The following TXNDC8 variants were observed in gnomAD, a reference collection of about 807,000 sequenced individuals.
The protein encoded by TXNDC8 is thioredoxin domain-containing protein 8.
Under a neutral mutation model 12.9 loss-of-function variants are expected in TXNDC8, and 15 were observed. The observed-to-expected ratio is 1.16, with a 90% CI of 0.78 to 1.79. The LOEUF (loss-of-function observed/expected upper bound fraction) is 1.79. TXNDC8 is among the 40% of genes most tolerant of loss of function. TXNDC8 has a pLI of 0.00. For missense variants in TXNDC8, 128 were observed against 113.2 expected (o/e 1.13, Z -0.59); for synonymous variants, 40 against 35.4 (o/e 1.13, Z -0.46).
intron 3 of TXNDC8, among the ~76,000 whole-genome samples, chr9:110,306,505 A>G (rs1466809293): frequency 6.6e-6 from 1 of 152,106 alleles, no homozygotes; most frequent in Admixed American, 6.5e-5. Flanking sequence ...GCTTCTTCCA[A>G]GGTCTCCGTA....
At chr9:110,305,480 G>A (rs1222378181) in intron 3 of TXNDC8, among the ~76,000 whole-genome samples, 1 of 152,158 alleles carries the variant, frequency 6.6e-6, no homozygotes, top group East Asian at 1.9e-4. Flanking sequence ...CTAGAAGTGG[G>A]ATTGTGGGTT....
chr9:110,323,087 G>A (rs1564102797), intron 3 of TXNDC8: 3 of 985,382 alleles, frequency 3.0e-6, no homozygotes, highest in Non-Finnish European at 3.6e-6. Flanking sequence ...GACATCACAT[G>A]TTAAAAAAGG....
At position 110,305,841 on chromosome 9, in the gene TXNDC8, CTTTTCTTTTCTTTCT is replaced by C. The variant is rs1247096533; in HGVS notation, c.196-1324_196-1310del. ...CCTTTCCTTTCCTTTCTTTTCCTTT[CTTTTCTTTTCTTTCT>C]TTTTCTTTTCTTTTCTTTTCTTTTT... On this transcript the variant is annotated intron_variant, in intron 3 of 4. Transcript: ENST00000423740. Among the ~76,000 whole-genome samples, 46 of 113,902 alleles carry C rather than the reference CTTTTCTTTTCTTTCT, an allele frequency of 4.0e-4. No individual in the cohort carries two copies. The South Asian group carries it at 0.011, about 26-fold the overall frequency. 74.7% of individuals were successfully genotyped at this position (113,902 alleles called of 152,430 possible). A position where few individuals can be genotyped will look rare whatever the true frequency, so the allele number is the denominator to read the frequency against.
chr9:110,321,812 G>T (rs1564102032), intron 3 of TXNDC8, among the ~76,000 whole-genome samples: 1 of 151,904 alleles, frequency 6.6e-6, no homozygotes, highest in Non-Finnish European at 1.5e-5. Context: ...GACTTTCCTT[G>T]CAGGTCACTG....
At chr9:110,336,200 G>A (rs1208043057) in intron 1 of TXNDC8, among the ~76,000 whole-genome samples, 4 of 152,052 alleles carry the variant, frequency 2.6e-5, no homozygotes, top group South Asian at 2.1e-4. Context: ...CCAAGTATTG[G>A]GCATTTCTTC....
At chr9:110,320,818 T>C (rs1427139695) in intron 3 of TXNDC8, among the ~76,000 whole-genome samples, 5 of 152,242 alleles carry the variant, frequency 3.3e-5, no homozygotes, top group Non-Finnish European at 7.3e-5. Flanking sequence ...GGAATGATCT[T>C]ATTCACCACA....
chr9:110,311,179 A>G (rs11523744), intron 3 of TXNDC8, among the ~76,000 whole-genome samples: 17,706 of 152,140 alleles, frequency 0.12, 1,127 homozygotes, highest in African/African-American at 0.17. Context: ...TGCAATGGTC[A>G]TTCCATAACT....
chr9:110,301,389 G>A (rs1009357402), downstream of TXNDC8, among the ~76,000 whole-genome samples: 3 of 152,166 alleles, frequency 2.0e-5, no homozygotes, highest in African/African-American at 7.2e-5. Flanking sequence ...TGTGAGCATG[G>A]CATATACAGA....
At chr9:110,310,647 C>T (rs114411653) in intron 3 of TXNDC8, among the ~76,000 whole-genome samples, 3,857 of 152,118 alleles carry the variant, frequency 0.025, 149 homozygotes, top group African/African-American at 0.087. Flanking sequence ...AAAAGACTAG[C>T]CAAATGCTTT....
intron 3 of TXNDC8, chr9:110,324,001 C>T (rs1839212357): frequency 7.7e-6 from 12 of 1,549,736 alleles, no homozygotes; most frequent in Non-Finnish European, 1.0e-5. Flanking sequence ...GAGATGGAGC[C>T]CTAAGGAAGT....
At chr9:110,310,502 G>A (rs184308170) in intron 3 of TXNDC8, among the ~76,000 whole-genome samples, 26 of 152,160 alleles carry the variant, frequency 1.7e-4, no homozygotes, top group African/African-American at 5.3e-4. Context: ...TACTTCTACC[G>A]GCATGCCTAA....
chr9:110,329,602 A>G (rs534827211), intron 2 of TXNDC8, among the ~76,000 whole-genome samples: 2 of 152,316 alleles, frequency 1.3e-5, no homozygotes, highest in African/African-American at 4.8e-5. Context: ...TGTGGGGTGG[A>G]GGAAGGGATA....
At chr9:110,336,082 GC>G (rs1839747975) in intron 1 of TXNDC8, among the ~76,000 whole-genome samples, 1 of 152,156 alleles carries the variant, frequency 6.6e-6, no homozygotes, top group South Asian at 2.1e-4. Context: ...CTTGCCTGCC[GC>G]CATGTCAGAC....
At chr9:110,313,237 T>G (rs1838753636) in intron 3 of TXNDC8, among the ~76,000 whole-genome samples, 1 of 152,218 alleles carries the variant, frequency 6.6e-6, no homozygotes, top group African/African-American at 2.4e-5. Context: ...TTTCAATTTT[T>G]TTCTTATCTT....
intron 3 of TXNDC8, chr9:110,322,678 T>C: frequency 1.2e-5 from 12 of 985,378 alleles, no homozygotes; most frequent in Non-Finnish European, 1.3e-5. Context: ...CCAAACAATA[T>C]CAGCAGCAGC....
At chr9:110,303,841 C>G in intron 4 of TXNDC8, 1 of 713,162 alleles carries the variant, frequency 1.4e-6, no homozygotes, top group South Asian at 2.1e-5. Flanking sequence ...AATCTAAGAT[C>G]TAAAACGTAT....
At position 110,326,229 on chromosome 9, in the gene TXNDC8, T is replaced by G. The variant is rs1441504764; in HGVS notation, c.141A>C (p.Glu47Asp). ...TGGGTATTGTTTTGATGTGACAAGT[T>G]TCAGCCAGCTCCTGGGAAAGCAAAG... The change falls in exon 3 of 5, where the codon GAA becomes GAC. Residue 47 changes from glutamate (E) to aspartate (D), a missense_variant. Glu to Asp is a conservative substitution (Grantham distance 45). Transcript: ENST00000423740. 1 of 1,614,058 alleles carries G rather than the reference T, an allele frequency of 6.2e-7. No individual in the cohort carries two copies. The highest frequency in any genetic ancestry group is 8.5e-7 in the Non-Finnish European group (1 of 1,179,956).
At chr9:110,320,763 A>G (rs1297255212) in intron 3 of TXNDC8, among the ~76,000 whole-genome samples, 1 of 152,254 alleles carries the variant, frequency 6.6e-6, no homozygotes, top group Non-Finnish European at 1.5e-5. Flanking sequence ...TTCTGGTTAC[A>G]AAGACCAGAC....
At chr9:110,316,550 A>G (rs1414059457) in intron 3 of TXNDC8, among the ~76,000 whole-genome samples, 2 of 152,234 alleles carry the variant, frequency 1.3e-5, no homozygotes, top group Admixed American at 6.5e-5. Context: ...GGAGCTAAAT[A>G]AAAATCAAGC....
Sources: allele counts gnomAD v4.1 joint callset (sites outside exome capture counted in the v4.1 genomes callset), GRCh38; gene constraint gnomAD v4.1.1; transcripts MANE v1.5; gene names NCBI Gene and HGNC (gene_info 2026-07-23, HGNC 2026-07-21).